Variants in LYPD1 observed in about 807,000 individuals in gnomAD.
LYPD1 encodes the protein LY6/PLAUR domain containing 1.
A neutral mutation model predicts 14.2 loss-of-function variants in LYPD1; 14 were observed. The observed-to-expected ratio is 0.99, with a 90% confidence interval of 0.65 to 1.54. The LOEUF is 1.54. LYPD1 is among the 40% of genes most tolerant of loss of function. The pLI is 0.00. For synonymous variants in LYPD1, 85 were observed against 70.6 expected, an observed-to-expected ratio of 1.20 and a Z score of -1.02; for missense variants, 165 against 175.7, an observed-to-expected ratio of 0.94 and a Z score of 0.34.
intron 2 of LYPD1, among the ~76,000 whole-genome samples, chr2:132,649,038 C>T (rs538955046): frequency 9.2e-5 from 14 of 152,170 alleles, no homozygotes; most frequent in Middle Eastern, 3.4e-3. Context: ...TGTTTCCAAC[C>T]GGATGAAAGG....
chr2:132,662,702 T>A (rs1683026706), intron 2 of LYPD1, among the ~76,000 whole-genome samples: 1 of 152,158 alleles, frequency 6.6e-6, no homozygotes, highest in Non-Finnish European at 1.5e-5. Context: ...CTTTTCAAAG[T>A]TCAAAGAAAA....
Position 132,669,362 on chromosome 2 carries a change from G to A in LYPD1, c.52+519C>T, listed in dbSNP as rs1050023896. Among the ~76,000 whole-genome samples the A allele has an allele frequency of 6.6e-6, 1 of 152,026 alleles. No homozygotes were observed. Among genetic ancestry groups the A allele is most frequent in the African/African-American group, 2.4e-5 (1 of 41,378 alleles). On this transcript the variant is annotated intron_variant, in intron 1 of 2. Transcript: ENST00000397463. The surrounding 1 kb of genome is among the most constrained non-coding windows in gnomAD (Gnocchi z 4.3). ...AGACCTTTGCGCCTCTGGACGCTTC[G>A]GCCTGGCTGTTCTCGGTGTACGCGC...
At chr2:132,665,700 C>T (rs1008545675) in intron 2 of LYPD1, among the ~76,000 whole-genome samples, 1 of 152,148 alleles carries the variant, frequency 6.6e-6, no homozygotes, top group African/African-American at 2.4e-5. Flanking sequence ...CTCTGTAACA[C>T]AAAAAGTTTT....
intron 2 of LYPD1, among the ~76,000 whole-genome samples, chr2:132,649,600 G>A (rs964662475): frequency 6.6e-6 from 1 of 152,120 alleles, no homozygotes; most frequent in African/African-American, 2.4e-5. Flanking sequence ...AAATGGCCCT[G>A]AGGTTTAGGC....
chr2:132,651,866 C>G (rs923479860), intron 2 of LYPD1, among the ~76,000 whole-genome samples: 1 of 152,176 alleles, frequency 6.6e-6, no homozygotes, highest in South Asian at 2.1e-4. Flanking sequence ...GGCAATGCAC[C>G]AGTGTGGTCC....
At chr2:132,653,416 A>G (rs1379298308) in intron 2 of LYPD1, among the ~76,000 whole-genome samples, 1 of 152,238 alleles carries the variant, frequency 6.6e-6, no homozygotes, top group Non-Finnish European at 1.5e-5. Flanking sequence ...AATCAGGTAA[A>G]TACCCATGAG....
intron 2 of LYPD1, among the ~76,000 whole-genome samples, chr2:132,655,960 C>A (rs973884140): frequency 6.6e-6 from 1 of 152,196 alleles, no homozygotes; most frequent in Admixed American, 6.5e-5. Context: ...TCACCCCCCT[C>A]CACTCCCCTA....
chr2:132,652,695 G>T (rs1418070125), intron 2 of LYPD1, among the ~76,000 whole-genome samples: 1 of 152,134 alleles, frequency 6.6e-6, no homozygotes, highest in African/African-American at 2.4e-5. Context: ...TGTGCCCATG[G>T]AACACACCAC....
At chr2:132,668,296 G>A (rs1683400288) in intron 2 of LYPD1, 104 bp downstream of exon 2, 3 of 1,355,064 alleles carry the variant, frequency 2.2e-6, no homozygotes, top group African/African-American at 1.5e-5. Flanking sequence ...CAGTGTGTGG[G>A]CATTAAATCA....
intron 2 of LYPD1, among the ~76,000 whole-genome samples, chr2:132,659,826 G>C (rs918942316): frequency 3.9e-5 from 6 of 152,192 alleles, no homozygotes; most frequent in Non-Finnish European, 5.9e-5. Context: ...TAGTCAACCC[G>C]CTAGGCTCTA....
In LYPD1 at chr2:132,668,392, G is replaced by C; in HGVS notation, c.190+8C>G. 1 of 1,600,798 alleles carries C rather than the reference G, an allele frequency of 6.2e-7. No individual in the cohort carries two copies. Among genetic ancestry groups the C allele is most frequent in the South Asian group, 1.1e-5 (1 of 88,794 alleles). Reference sequence around the variant, plus strand: ...TAAGAGCGAGGGGGAGGGCTGCCAGGCTCTTACCGGCACTTTGCTCCATCA... The same window carrying C: ...TAAGAGCGAGGGGGAGGGCTGCCAGCCTCTTACCGGCACTTTGCTCCATCA... On this transcript the variant is annotated splice_region_variant and intron_variant, in intron 2 of 2. Coordinates refer to ENST00000397463, the MANE Select transcript of LYPD1 (RefSeq NM_144586.7).
chr2:132,648,859 T>C (rs1328391929), intron 2 of LYPD1, among the ~76,000 whole-genome samples: 1 of 151,934 alleles, frequency 6.6e-6, no homozygotes, highest in African/African-American at 2.4e-5. Context: ...TGATGTCAGA[T>C]AGGTGTGTCC....
At chr2:132,664,738 C>G (rs1683171881) in intron 2 of LYPD1, among the ~76,000 whole-genome samples, 1 of 152,182 alleles carries the variant, frequency 6.6e-6, no homozygotes, top group South Asian at 2.1e-4. Flanking sequence ...TTCACTGTAT[C>G]TAGTCAAGAG....
At chr2:132,667,603 G>T (rs1246510397) in intron 2 of LYPD1, among the ~76,000 whole-genome samples, 1 of 152,306 alleles carries the variant, frequency 6.6e-6, no homozygotes, top group African/African-American at 2.4e-5. Context: ...AAATGGCAAG[G>T]TCTGTGTTTA....
chr2:132,650,880 G>A (rs139062003), intron 2 of LYPD1, among the ~76,000 whole-genome samples: 12 of 152,268 alleles, frequency 7.9e-5, no homozygotes, highest in South Asian at 4.1e-4. Context: ...GGCAAAAATA[G>A]GGTAGGTAAT....
At chr2:132,650,547 T>C (rs1388526155) in intron 2 of LYPD1, among the ~76,000 whole-genome samples, 1 of 152,136 alleles carries the variant, frequency 6.6e-6, no homozygotes, top group Non-Finnish European at 1.5e-5. Flanking sequence ...GGCAAAAGAA[T>C]AGACCATCAC....
chr2:132,654,255 G>T lies in LYPD1; in HGVS notation c.191-7975C>A, dbSNP rs144520410. Among the ~76,000 whole-genome samples, 441 of 152,204 alleles carry T rather than the reference G, an allele frequency of 2.9e-3. 1 individual carries two copies. Among genetic ancestry groups the T allele is most frequent in the African/African-American group, 9.8e-3 (408 of 41,514 alleles). On this transcript the variant is annotated intron_variant, in intron 2 of 2. Coordinates refer to ENST00000397463, the MANE Select transcript of LYPD1 (RefSeq NM_144586.7). ...CATTTTTTAAAAGACATTGGTATCA[G>T]CTGGGCATGGTGGCGCTTGCCTGTG... is the stretch of plus-strand genomic sequence containing the variant.
chr2:132,667,453 G>A (rs543436462), intron 2 of LYPD1, among the ~76,000 whole-genome samples: 3 of 152,140 alleles, frequency 2.0e-5, no homozygotes, highest in Non-Finnish European at 4.4e-5. Context: ...ATTTGCCAGC[G>A]GGTAAAGGGA....
rs549997509 is a variant in LYPD1, at chr2:132,659,010, C to G, written c.190+9390G>C. Among the ~76,000 whole-genome samples the G allele has an allele frequency of 2.4e-4, 37 of 152,260 alleles. 1 individual carries two copies. The South Asian group carries it at 7.3e-3, about 30-fold the overall frequency. On this transcript the variant is annotated intron_variant, in intron 2 of 2. Transcript: ENST00000397463. Reference sequence around the variant, plus strand: ...ACTCCTATTCAAAGCAAAGCCAGGTCAGCCTTAAAAGCAAGCTGACAAAAA... The same window carrying G: ...ACTCCTATTCAAAGCAAAGCCAGGTGAGCCTTAAAAGCAAGCTGACAAAAA...
Sources: allele counts gnomAD v4.1 joint callset (sites outside exome capture counted in the v4.1 genomes callset), GRCh38; gene constraint gnomAD v4.1.1; non-coding constraint Gnocchi (gnomAD v3.1); transcripts MANE v1.5; gene names NCBI Gene and HGNC (gene_info 2026-07-23, HGNC 2026-07-21).